C17orf75: variants seen among roughly 807,000 people sequenced by gnomAD.
C17orf75 encodes chromosome 17 open reading frame 75.
Under a neutral mutation model 49.6 loss-of-function variants are expected in C17orf75, and 32 were observed. The ratio of observed to expected loss-of-function variants is 0.65; its 90% CI spans 0.49 to 0.87. The LOEUF is 0.87. Among genes scored for constraint, C17orf75 ranks in the 40% least tolerant of loss-of-function variants. The pLI is 0.00. For synonymous variants in C17orf75, 158 were observed against 159.5 expected, an observed-to-expected ratio of 0.99 and a Z score of 0.07; for missense variants, 428 against 473.9, an observed-to-expected ratio of 0.90 and a Z score of 0.90.
chr17:32,347,330 G>A (rs1455758544), intron 1 of C17orf75, among the ~76,000 whole-genome samples: 2 of 151,190 alleles, frequency 1.3e-5, no homozygotes, highest in African/African-American at 4.9e-5. Flanking sequence ...ACAGGCTGGA[G>A]TGCAATGGCG....
In C17orf75 at chr17:32,341,278, T is replaced by G. The variant is rs767815088; in HGVS notation, c.147A>C (p.Ala49=). 5.6e-6 allele frequency: 9 copies of G among 1,613,792 alleles called. No homozygotes were observed. The highest frequency in any genetic ancestry group is 7.6e-6 in the Non-Finnish European group (9 of 1,179,892). ...CLYSYRGSRL[A]QQRGDSEDGS... Reference sequence around the variant, plus strand: ...CGTCCTCACTGTCCCCTCGTTGCTGTGCCAATCTACAAGCCACAAAACCAA... The same window carrying G: ...CGTCCTCACTGTCCCCTCGTTGCTGGGCCAATCTACAAGCCACAAAACCAA... The change falls in exon 2 of 10, where the codon GCA becomes GCC. Residue 49 remains alanine (A), a synonymous_variant. Coordinates refer to ENST00000577809, the MANE Select transcript of C17orf75 (RefSeq NM_022344.4).
upstream of C17orf75, chr17:32,342,358 A>G (rs942941726): frequency 2.7e-5 from 17 of 629,198 alleles, no homozygotes; most frequent in African/African-American, 1.9e-4. Context: ...AGCTTTTACC[A>G]TTTATTTTGA....
upstream of C17orf75, among the ~76,000 whole-genome samples, chr17:32,346,769 C>A (rs2150781640): frequency 6.6e-6 from 1 of 152,074 alleles, no homozygotes; most frequent in East Asian, 1.9e-4. Context: ...GACAGGGTTT[C>A]ACCATGTTGG....
chr17:32,335,505 T>C (rs1407856987), intron 5 of C17orf75, 63 bp from the exon 6 acceptor site: 17 of 1,578,572 alleles, frequency 1.1e-5, no homozygotes, highest in Admixed American at 1.8e-5. Context: ...ACTTCATATT[T>C]TCTTCATCAT....
intron 2 of C17orf75, chr17:32,340,941 T>A (rs1438023936): frequency 4.7e-6 from 2 of 426,584 alleles, no homozygotes. Context: ...CAAGACCCTG[T>A]CTCAATTTAA....
At position 32,334,556 on chromosome 17, in the gene C17orf75, T is replaced by A; in HGVS notation, c.784A>T (p.Thr262Ser). ...LQGLIHEGTM[T>S]SLCMAMTEEQ... ...TCTGTCATGGCCATGCACAAAGAAG[T>A]CATGGTGCCTTCATGAATAAGTCCT... The change falls in exon 8 of 10, where the codon ACT (threonine) becomes TCT (serine). Residue 262 changes from threonine (T) to serine (S), a missense_variant. Physicochemically the swap from Thr to Ser is moderately conservative, Grantham distance 58 (BLOSUM62 1). Transcript: ENST00000577809. 1 of 1,612,266 alleles carries A rather than the reference T, an allele frequency of 6.2e-7. No individual in the cohort carries two copies. The highest frequency in any genetic ancestry group is 1.1e-5 in the South Asian group (1 of 90,620).
At chr17:32,337,975 T>C (rs1468254308) in intron 4 of C17orf75, 21 bp from the exon 5 acceptor site, 2 of 1,589,746 alleles carry the variant, frequency 1.3e-6, no homozygotes, top group South Asian at 1.1e-5. Flanking sequence ...AAGGAAGCAA[T>C]AAAGGATGAA....
chr17:32,344,332 C>T (rs2150780748), upstream of C17orf75, among the ~76,000 whole-genome samples: 1 of 152,250 alleles, frequency 6.6e-6, no homozygotes, highest in African/African-American at 2.4e-5. Flanking sequence ...GAAACTAATA[C>T]AGTGGCTGGG....
At chr17:32,337,767 T>C (rs2041339827) in intron 5 of C17orf75, 130 bp downstream of exon 5, 4 of 689,234 alleles carry the variant, frequency 5.8e-6, no homozygotes, top group Non-Finnish European at 7.1e-6. Flanking sequence ...AGTTTCATCA[T>C]ATTGACCAGG....
chr17:32,334,899 C>G, intron 6 of C17orf75, 60 bp from the exon 7 acceptor site: 4 of 1,374,256 alleles, frequency 2.9e-6, no homozygotes, highest in Non-Finnish European at 4.0e-6. Flanking sequence ...TGAGCAGCTA[C>G]TCATGACTAA....
chr17:32,338,124 T>A (rs2041343440), intron 4 of C17orf75, 84 bp downstream of exon 4: 2 of 1,571,052 alleles, frequency 1.3e-6, no homozygotes, highest in Admixed American at 3.9e-5. Context: ...GTAGAAAAGC[T>A]TTTTGGAGGT....
At chr17:32,334,928 AC>A in intron 6 of C17orf75, 89 bp from the exon 7 acceptor site, 1 of 1,023,896 alleles carries the variant, frequency 9.8e-7, no homozygotes, top group Non-Finnish European at 1.4e-6. Context: ...ATAAGTCCCT[AC>A]CACACTGGAC....
Position 32,331,581 on chromosome 17 carries a change from A to C in C17orf75, c.*182T>G, listed in dbSNP as rs529789154. The C allele has an allele frequency of 8.6e-5, 52 of 604,934 alleles. No homozygotes were observed. In the South Asian group the frequency reaches 9.6e-4, roughly 11 times the overall value. 37.5% of individuals were successfully genotyped at this position (604,934 alleles called of 1,614,324 possible). ...CAACTCTCACATACATTATCTATCT[A>C]GGACTCAGTGAAGATGTTCTTCAGA... On this transcript the variant is annotated 3_prime_UTR_variant, in exon 10 of 10. Transcript: ENST00000577809.
At chr17:32,344,694 G>A (rs2041411865), upstream of C17orf75, among the ~76,000 whole-genome samples, 1 of 152,018 alleles carries the variant, frequency 6.6e-6, no homozygotes, top group Non-Finnish European at 1.5e-5. Flanking sequence ...GGATCACTAG[G>A]TCAGGAGTTT....
upstream of C17orf75, among the ~76,000 whole-genome samples, chr17:32,346,542 G>A (rs1054328371): frequency 2.0e-5 from 3 of 152,040 alleles, no homozygotes; most frequent in Non-Finnish European, 4.4e-5. Flanking sequence ...ATGGGCTAGC[G>A]CACCAGGCCT....
At position 32,334,621 on chromosome 17, in the gene C17orf75, G is replaced by C. The variant is rs771802023; in HGVS notation, c.735-16C>G. The stretch of plus-strand genomic sequence containing the variant: ...ACTCAGAAACCTGCCACACACACAA[G>C]TCCATTTCCACAAACAATATTGCAG... On this transcript the variant is annotated splice_polypyrimidine_tract_variant and intron_variant, in intron 7 of 9. Transcript: ENST00000577809. The C allele has an allele frequency of 2.5e-6, 4 of 1,609,778 alleles. No homozygotes were observed. Among genetic ancestry groups the C allele is most frequent in the Non-Finnish European group, 3.4e-6 (4 of 1,178,732 alleles).
chr17:32,331,933 C>T lies in C17orf75; in HGVS notation c.1021G>A (p.Glu341Lys). The T allele has an allele frequency of 6.2e-7, 1 of 1,613,362 alleles. No individual in the cohort carries two copies. Residue 341 changes from glutamate (E) to lysine (K), a missense_variant, in exon 10 of 10, where the codon GAA (glutamate) becomes AAA (lysine). Coordinates refer to ENST00000577809, the MANE Select transcript of C17orf75 (RefSeq NM_022344.4). ...NNLKRFIRQA[E>K]MNHYALFKCY... ...TTAAACAAAGCATAATGATTCATTT[C>T]TGCCTGTCGGATAAATCTCTTCAAA...
upstream of C17orf75, chr17:32,342,229 G>A: frequency 7.2e-7 from 1 of 1,391,682 alleles, no homozygotes; most frequent in Non-Finnish European, 9.4e-7. Flanking sequence ...CCGGCTCCCG[G>A]CCCTCGCACA....
At chr17:32,349,852 CTATCTT>C (rs1447292256) in intron 1 of C17orf75, 39 of 919,606 alleles carry the variant, frequency 4.2e-5, no homozygotes, top group Non-Finnish European at 5.1e-5. Flanking sequence ...GGCGCTGTCT[CTATCTT>C]TATTTGTGAT....
Sources: gnomAD v4.1 joint callset for allele counts (sites outside exome capture counted in the v4.1 genomes callset) on GRCh38, gnomAD v4.1.1 for gene constraint, MANE v1.5 for transcripts, NCBI Gene and HGNC (gene_info 2026-07-23, HGNC 2026-07-21) for gene names.